TLN2: variants seen among roughly 807,000 people sequenced by gnomAD.
TLN2 encodes talin-2.
Under a neutral mutation model 294.7 loss-of-function variants are expected in TLN2, and 118 were observed. The ratio of observed to expected loss-of-function variants is 0.40; its 90% confidence interval spans 0.34 to 0.47. The LOEUF (loss-of-function observed/expected upper bound fraction) is 0.47, where lower values mean the gene tolerates loss of function less well. Ranked by LOEUF, TLN2 falls within the 20% of genes least tolerant of loss-of-function variation. The pLI, the probability that TLN2 is intolerant of heterozygous loss-of-function variation, is 0.84. For missense variants in TLN2, 3,083 were observed against 3,282.2 expected, an observed-to-expected ratio of 0.94 and a Z score of 1.48; for synonymous variants, 1,431 against 1,304.5, an observed-to-expected ratio of 1.10 and a Z score of -2.09.
At chr15:62,711,412 G>A (rs533468686) in intron 21 of TLN2, among the ~76,000 whole-genome samples, 1 of 152,304 alleles carries the variant, frequency 6.6e-6, no homozygotes, top group African/African-American at 2.4e-5. Flanking sequence ...ATAAGCGAAG[G>A]CCAAATGGCA....
intron 16 of TLN2, among the ~76,000 whole-genome samples, chr15:62,699,762 AC>A (rs2058597877): frequency 6.6e-6 from 1 of 152,100 alleles, no homozygotes; most frequent in African/African-American, 2.4e-5. Flanking sequence ...GTCATTCTCA[AC>A]CCTGCTTTGT....
intron 1 of TLN2, among the ~76,000 whole-genome samples, chr15:62,514,351 A>G (rs1388762792): frequency 6.6e-6 from 1 of 152,222 alleles, no homozygotes; most frequent in Non-Finnish European, 1.5e-5. Context: ...AAAAGATCAA[A>G]TGTCTAATGC....
At chr15:62,573,265 AC>A in intron 1 of TLN2, among the ~76,000 whole-genome samples, 3 of 151,442 alleles carry the variant, frequency 2.0e-5, no homozygotes, top group Middle Eastern at 6.8e-3. Flanking sequence ...TCTGGCAGCC[AC>A]CCCTGTCTTC....
In TLN2 at chr15:62,727,068, T is replaced by G. The variant is rs373545954; in HGVS notation, c.3256-19T>G. ...TTCCTTTTCTTCTACGTTCTTTCCC[T>G]CCTTGAATATTCTTGTAGCTGGAAA... On this transcript the variant is annotated intron_variant, in intron 27 of 58. Coordinates refer to ENST00000636159, the MANE Select transcript of TLN2 (RefSeq NM_015059.3). The G allele has an allele frequency of 2.5e-6, 4 of 1,612,500 alleles. No homozygotes were observed. Among genetic ancestry groups the G allele is most frequent in the Non-Finnish European group, 3.4e-6 (4 of 1,178,920 alleles).
intron 1 of TLN2, among the ~76,000 whole-genome samples, chr15:62,575,659 T>G (rs1449303588): frequency 6.6e-6 from 1 of 152,092 alleles, no homozygotes; most frequent in Non-Finnish European, 1.5e-5. Flanking sequence ...CAACTTCTTC[T>G]CAGAAGACCA....
chr15:62,423,122 G>A (rs1037711493), intron 1 of TLN2, among the ~76,000 whole-genome samples: 20 of 152,280 alleles, frequency 1.3e-4, no homozygotes, highest in African/African-American at 4.1e-4. Flanking sequence ...GACCTGGTGC[G>A]GTGGCTCACG....
rs1164358592 is a variant in TLN2, at chr15:62,512,349, C to T, written c.-237-77338C>T. Among the ~76,000 whole-genome samples the T allele has an allele frequency of 2.0e-5, 3 of 152,138 alleles. No individual in the cohort carries two copies. The East Asian group carries it at 5.8e-4, about 29-fold the overall frequency. ...ACCTCTCGGTTCAGAAATCTGCTCT[C>T]TCTTAGTGGAAAATTATTTCCCTTC... On this transcript the variant is annotated intron_variant, in intron 1 of 58. Transcript: ENST00000636159.
At position 62,565,595 on chromosome 15, in the gene TLN2, T is replaced by TGA. The variant is rs564634707; in HGVS notation, c.-237-24092_-237-24091insGA. 2.7e-3 allele frequency among the ~76,000 whole-genome samples: 418 copies of TGA among 152,336 alleles called. 1 individual carries two copies. The highest frequency in any genetic ancestry group is 5.0e-3 in the Non-Finnish European group (341 of 68,018). ...AGCCCAGTGTTCATCTGAATGAACT[T>TGA]AAAACTATTTGACTACCCTTGTTTT... On this transcript the variant is annotated intron_variant, in intron 1 of 58. Transcript: ENST00000636159.
intron 35 of TLN2, 112 bp from the exon 36 acceptor site, chr15:62,753,661 A>T (rs1218334487): frequency 1.5e-6 from 2 of 1,352,406 alleles, no homozygotes; most frequent in African/African-American, 2.9e-5. Flanking sequence ...GACCAGTTTG[A>T]ACTGAGGAGT....
At chr15:62,558,463 GAA>G (rs1239143855) in intron 1 of TLN2, among the ~76,000 whole-genome samples, 6 of 152,120 alleles carry the variant, frequency 3.9e-5, no homozygotes, top group Admixed American at 3.9e-4. Flanking sequence ...TATAGAAGAA[GAA>G]AAATCATTTT....
At chr15:62,555,065 C>T (rs892110146) in intron 1 of TLN2, among the ~76,000 whole-genome samples, 29 of 151,506 alleles carry the variant, frequency 1.9e-4, no homozygotes, top group African/African-American at 4.8e-4. Flanking sequence ...TTAGTTTACT[C>T]TTGGGGTGAT....
intron 12 of TLN2, among the ~76,000 whole-genome samples, chr15:62,690,879 C>T (rs578249381): frequency 2.5e-4 from 38 of 151,628 alleles, no homozygotes; most frequent in Non-Finnish European, 5.2e-4. Flanking sequence ...TCAGGCGTGG[C>T]GGTGCGCGCC....
intron 32 of TLN2, among the ~76,000 whole-genome samples, chr15:62,741,980 C>T (rs1004537982): frequency 8.2e-6 from 1 of 122,226 alleles, no homozygotes; most frequent in Non-Finnish European, 1.7e-5. Context: ...TCTCATGGTA[C>T]TCATGGTCCA....
intron 1 of TLN2, among the ~76,000 whole-genome samples, chr15:62,575,541 G>C (rs1456544970): frequency 6.6e-6 from 1 of 151,888 alleles, no homozygotes; most frequent in Non-Finnish European, 1.5e-5. Context: ...ACCACCTCTT[G>C]GTAGTGTGAG....
chr15:62,696,069 G>A (rs1394331089), intron 14 of TLN2, among the ~76,000 whole-genome samples: 1 of 152,196 alleles, frequency 6.6e-6, no homozygotes, highest in East Asian at 1.9e-4. Context: ...ATCTCAGAAT[G>A]CAACTGACTT....
chr15:62,698,921 G>A lies in TLN2; in HGVS notation c.1587+54G>A, dbSNP rs975102030. 7.3e-6 allele frequency: 11 copies of A among 1,507,544 alleles called. No individual in the cohort carries two copies. The South Asian group carries it at 1.3e-4, about 17-fold the overall frequency. The allele number at this position is 1,507,544 out of a possible 1,614,324, so 93.4% of individuals were successfully genotyped here. ...AAGTCTCTGCCCTGGCAGAAAGCAG[G>A]GTTATATACTCTGTCGGGATTCATC... On this transcript the variant is annotated intron_variant, in intron 16 of 58. Coordinates refer to ENST00000636159, the MANE Select transcript of TLN2 (RefSeq NM_015059.3).
At chr15:62,556,371 A>G (rs961097226) in intron 1 of TLN2, among the ~76,000 whole-genome samples, 12 of 151,680 alleles carry the variant, frequency 7.9e-5, no homozygotes, top group Non-Finnish European at 1.5e-4. Flanking sequence ...CAGTGGCACG[A>G]TCAGGGCTCA....
chr15:62,780,202 C>T (rs1429800315), intron 43 of TLN2, among the ~76,000 whole-genome samples: 1 of 152,236 alleles, frequency 6.6e-6, no homozygotes, highest in Non-Finnish European at 1.5e-5. Flanking sequence ...TTTCTGTTCA[C>T]TTTGTCTCTT....
rs772059662 is a variant in TLN2 at position 62,737,130 on chromosome 15, A to C, written c.3567+44A>C. 7 of 1,603,700 alleles carry C rather than the reference A, an allele frequency of 4.4e-6. No homozygotes were observed. The African/African-American group carries it at 9.4e-5, about 21-fold the overall frequency. Reference sequence around the variant, plus strand: ...AATTGTGGTTGTCATGGTCATCATTAACGTGGACATGTGGTCGGGCTGTCT... The same window carrying C: ...AATTGTGGTTGTCATGGTCATCATTCACGTGGACATGTGGTCGGGCTGTCT... On this transcript the variant is annotated intron_variant, in intron 29 of 58. Coordinates refer to ENST00000636159, the MANE Select transcript of TLN2 (RefSeq NM_015059.3).
Sources: gnomAD v4.1 joint callset for allele counts (sites outside exome capture counted in the v4.1 genomes callset) on GRCh38, gnomAD v4.1.1 for gene constraint, MANE v1.5 for transcripts, NCBI Gene and HGNC (gene_info 2026-07-23, HGNC 2026-07-21) for gene names.